SVOP: variants seen among roughly 807,000 people sequenced by gnomAD.
The protein encoded by SVOP is SV2 related protein, also known as synaptic vesicle 2-related protein.
A neutral mutation model predicts 69.1 loss-of-function variants in SVOP; 17 were observed. The observed-to-expected ratio is 0.25, with a 90% CI of 0.17 to 0.37. The LOEUF (loss-of-function observed/expected upper bound fraction) is 0.37, where lower values mean the gene tolerates loss of function less well. SVOP is among the 10% of genes least tolerant of loss of function. SVOP has a pLI of 1.00. For synonymous variants in SVOP, 238 were observed against 238.6 expected, an observed-to-expected ratio of 1.00 and a Z score of 0.02; for missense variants, 435 against 597.5, an observed-to-expected ratio of 0.73 and a Z score of 2.84.
At position 108,918,122 on chromosome 12, in the gene SVOP, T is replaced by C. The variant is rs1466347570; in HGVS notation, c.1271A>G (p.Asn424Ser). The part of the protein sequence containing the change: ...SLLLFICVGR[N>S]VLTLLLFIAR... The stretch of plus-strand genomic sequence containing the variant: ...AATGAAGAGTAACAGAGTGAGCACA[T>C]TTCTAGGAGGAGGATAAAGGCAGAT... Residue 424 changes from asparagine to serine, a missense_variant and splice_region_variant, in exon 14 of 16, where the codon AAT becomes AGT. Asn to Ser is a conservative substitution (Grantham distance 46). Transcript: ENST00000610966. The C allele has an allele frequency of 1.3e-6, 2 of 1,563,074 alleles. No individual in the cohort carries two copies.
rs144108085 is a variant in SVOP at position 108,995,009 on chromosome 12, G to A, written c.36-11248C>T. On this transcript the variant is annotated intron_variant, in intron 1 of 15. Coordinates refer to ENST00000610966, the MANE Select transcript of SVOP (RefSeq NM_018711.5). ...ATTTTTAAAAAATTAGCTGGGCATG[G>A]TGGTGCGTGTCTGTGGTCCCAGCTA... Among the ~76,000 whole-genome samples, 901 of 152,020 alleles carry A rather than the reference G, an allele frequency of 5.9e-3. 8 individuals are homozygous for A. Among genetic ancestry groups the A allele is most frequent in the African/African-American group, 0.02 (829 of 41,458 alleles).
Position 108,928,901 on chromosome 12 carries a change from A to T in SVOP, c.1048+5294T>A, listed in dbSNP as rs76310289. On this transcript the variant is annotated intron_variant, in intron 11 of 15. Coordinates refer to ENST00000610966, the MANE Select transcript of SVOP (RefSeq NM_018711.5). The stretch of plus-strand genomic sequence containing the variant: ...ACTTTATTTTGAAGCAAATCATAAA[A>T]CCCTCAGGTGAGAGGTGCCCTGCCT... Among the ~76,000 whole-genome samples the T allele has an allele frequency of 3.8e-3, 573 of 152,122 alleles. 6 individuals carry two copies. The highest frequency in any genetic ancestry group is 0.013 in the African/African-American group (547 of 41,496).
intron 8 of SVOP, among the ~76,000 whole-genome samples, chr12:108,939,743 G>A (rs996619954): frequency 6.6e-6 from 1 of 152,250 alleles, no homozygotes; most frequent in East Asian, 1.9e-4. Context: ...CTTAGATGTG[G>A]CTGCCCAGAC....
At chr12:108,925,846 C>T (rs1238623944) in intron 11 of SVOP, among the ~76,000 whole-genome samples, 2 of 152,066 alleles carry the variant, frequency 1.3e-5, no homozygotes, top group African/African-American at 4.8e-5. Context: ...TTCACCTTCT[C>T]ATTGAGGCCA....
At chr12:108,959,146 C>T (rs1011440732) in intron 6 of SVOP, among the ~76,000 whole-genome samples, 4 of 152,024 alleles carry the variant, frequency 2.6e-5, no homozygotes, top group Non-Finnish European at 4.4e-5. Context: ...TACAAGGGAT[C>T]GCCCTGGTCC....
chr12:108,957,630 C>T (rs181574830), intron 6 of SVOP, among the ~76,000 whole-genome samples: 163 of 152,314 alleles, frequency 1.1e-3, no homozygotes, highest in African/African-American at 3.7e-3. Flanking sequence ...CATAGGGCCA[C>T]CCAGGTGATA....
At chr12:108,964,812 C>T (rs1211236430) in intron 5 of SVOP, among the ~76,000 whole-genome samples, 2 of 152,082 alleles carry the variant, frequency 1.3e-5, no homozygotes, top group South Asian at 2.1e-4. Context: ...TTCTTTCCTC[C>T]TTCCCTCTCT....
intron 11 of SVOP, among the ~76,000 whole-genome samples, chr12:108,928,858 A>G (rs1171307231): frequency 1.3e-5 from 2 of 152,116 alleles, no homozygotes; most frequent in Admixed American, 6.5e-5. Flanking sequence ...ATGAACCACC[A>G]TGCCCGGCCA....
intron 1 of SVOP, among the ~76,000 whole-genome samples, chr12:108,994,003 T>A (rs2040217834): frequency 6.6e-6 from 1 of 152,216 alleles, no homozygotes; most frequent in Non-Finnish European, 1.5e-5. Context: ...ACTCCTTTTG[T>A]CACATCTTCG....
At chr12:108,981,030 A>C (rs2040132787) in intron 2 of SVOP, among the ~76,000 whole-genome samples, 1 of 152,134 alleles carries the variant, frequency 6.6e-6, no homozygotes, top group Non-Finnish European at 1.5e-5. Flanking sequence ...AATTTCAACC[A>C]TGGGCTTTGT....
intron 10 of SVOP, among the ~76,000 whole-genome samples, chr12:108,934,665 G>T (rs142835707): frequency 6.6e-6 from 1 of 152,186 alleles, no homozygotes; most frequent in Non-Finnish European, 1.5e-5. Context: ...GATAAAGCAG[G>T]TTGCAGTAAA....
intron 14 of SVOP, among the ~76,000 whole-genome samples, chr12:108,916,695 T>C (rs544688875): frequency 6.6e-6 from 1 of 152,308 alleles, no homozygotes; most frequent in East Asian, 1.9e-4. Context: ...AGGAAAGCTG[T>C]CCCCCAACCT....
At position 109,011,126 on chromosome 12, in the gene SVOP, G is replaced by T. The variant is rs560384169; in HGVS notation, c.35+9708C>A. 1.2e-4 allele frequency among the ~76,000 whole-genome samples: 18 copies of T among 151,900 alleles called. No individual in the cohort carries two copies. In the South Asian group the frequency reaches 3.8e-3, roughly 32 times the overall value. On this transcript the variant is annotated intron_variant, in intron 1 of 15. Transcript: ENST00000610966. ...GACAGGGTTTCACCATGTTGTCCAGGATGGTCTTGAACTCCTGACCTCAAG... is the reference window on the plus strand; with the variant it reads ...GACAGGGTTTCACCATGTTGTCCAGTATGGTCTTGAACTCCTGACCTCAAG...
At chr12:109,012,333 G>A (rs1238036857) in intron 1 of SVOP, among the ~76,000 whole-genome samples, 2 of 151,556 alleles carry the variant, frequency 1.3e-5, no homozygotes, top group Admixed American at 6.6e-5. Context: ...GAGATCTATC[G>A]TACAACATGG....
chr12:108,986,287 C>G (rs2040165458), intron 1 of SVOP, among the ~76,000 whole-genome samples: 1 of 152,202 alleles, frequency 6.6e-6, no homozygotes, highest in South Asian at 2.1e-4. Context: ...AGTCCCATAA[C>G]TAAACAGGCA....
At chr12:108,920,642 G>A (rs984839718) in intron 12 of SVOP, among the ~76,000 whole-genome samples, 18 of 148,052 alleles carry the variant, frequency 1.2e-4, no homozygotes, top group Non-Finnish European at 2.7e-4. Flanking sequence ...CACCCAGGGT[G>A]GGGCGCAGTG....
At chr12:109,016,118 G>A (rs762379993) in intron 1 of SVOP, among the ~76,000 whole-genome samples, 10 of 152,180 alleles carry the variant, frequency 6.6e-5, no homozygotes, top group Admixed American at 1.3e-4. Context: ...TCAAAGCCAG[G>A]CACTGTGCTG....
intron 1 of SVOP, among the ~76,000 whole-genome samples, chr12:108,995,448 A>G (rs897845894): frequency 5.9e-5 from 9 of 152,182 alleles, no homozygotes; most frequent in Non-Finnish European, 8.8e-5. Context: ...GACCTAGAAC[A>G]CTTACATTCA....
At chr12:109,003,043 C>G (rs1345011629) in intron 1 of SVOP, among the ~76,000 whole-genome samples, 1 of 151,014 alleles carries the variant, frequency 6.6e-6, no homozygotes, top group Non-Finnish European at 1.5e-5. Context: ...GAGTCTCAGA[C>G]CCTGTACCAA....
Sources: allele counts gnomAD v4.1 joint callset (sites outside exome capture counted in the v4.1 genomes callset), GRCh38; gene constraint gnomAD v4.1.1; transcripts MANE v1.5; gene names NCBI Gene and HGNC (gene_info 2026-07-23, HGNC 2026-07-21).